ZNF701: variants seen among roughly 807,000 people sequenced by gnomAD.
ZNF701 encodes zinc finger protein 701.
Under a neutral mutation model 7.1 loss-of-function variants are expected in ZNF701, and 6 were observed. The ratio of observed to expected loss-of-function variants is 0.84; its 90% CI spans 0.46 to 1.66. The LOEUF (loss-of-function observed/expected upper bound fraction) is 1.66. ZNF701 is among the 40% of genes most tolerant of loss of function. ZNF701 has a pLI of 0.01. For missense variants in ZNF701, 541 were observed against 559.2 expected (o/e 0.97, Z 0.33); for synonymous variants, 166 against 188.2 (o/e 0.88, Z 0.97).
the ZNF701 span, among the ~76,000 whole-genome samples, chr19:52,598,426 G>C: frequency 2.6e-5 from 4 of 152,118 alleles, no homozygotes; most frequent in Non-Finnish European, 5.9e-5. Context: ...GGGGCAGGGT[G>C]GGGGAGAGGG....
chr19:52,590,619 G>T (rs578201286), downstream of ZNF701, among the ~76,000 whole-genome samples: 4 of 152,138 alleles, frequency 2.6e-5, no homozygotes, highest in African/African-American at 9.6e-5. Flanking sequence ...AGGTGATGGG[G>T]TCTCACTGTG....
At chr19:52,592,356 G>A in the ZNF701 span, 2 of 1,002,840 alleles carry the variant, frequency 2.0e-6, no homozygotes, top group African/African-American at 3.3e-5. Context: ...GTTTTCTACA[G>A]TGATGACCCT....
In ZNF701 at chr19:52,586,935, C is replaced by G. The variant is rs1600092829; in HGVS notation, c.*3478C>G. On this transcript the variant is annotated 3_prime_UTR_variant, in exon 4 of 4. Coordinates refer to ENST00000391785, the MANE Select transcript of ZNF701 (RefSeq NM_018260.3). ...TGACCCACCTACATGGCTCCGTGTC[C>G]CCTGCAGGCCTCGCCCCGGAGCTCT... The G allele has an allele frequency of 6.6e-6, 1 of 152,142 alleles. No individual in the cohort carries two copies. The highest frequency in any genetic ancestry group is 6.6e-5 in the Admixed American group (1 of 15,266). 9.4% of individuals were successfully genotyped at this position (152,142 alleles called of 1,614,324 possible).
chr19:52,597,584 G>A, the ZNF701 span: 1 of 362,560 alleles, frequency 2.8e-6, no homozygotes, highest in Non-Finnish European at 5.4e-6. Context: ...GCTCATGCCT[G>A]TAATCCCAGC....
At chr19:52,576,184 C>G (rs928048976) in intron 3 of ZNF701, among the ~76,000 whole-genome samples, 163 bp downstream of exon 3, 7 of 152,158 alleles carry the variant, frequency 4.6e-5, no homozygotes, top group Non-Finnish European at 8.8e-5. Flanking sequence ...TCACTGTCCC[C>G]TTTAGATGTT....
At chr19:52,597,627 C>T in the ZNF701 span, 94 of 353,714 alleles carry the variant, frequency 2.7e-4, no homozygotes, top group East Asian at 6.6e-4. Context: ...AGATCACAGC[C>T]ACACCTGGCT....
intron 3 of ZNF701, among the ~76,000 whole-genome samples, chr19:52,579,520 CAAA>C (rs34682718): frequency 0.05 from 2,998 of 60,110 alleles, 48 homozygotes; most frequent in Non-Finnish European, 0.057. Flanking sequence ...AACTCTGTCT[CAAA>C]AAAAAAAAAA....
rs1478245256 is a variant in ZNF701 at position 52,575,820 on chromosome 19, C to T, written c.16-75C>T. On this transcript the variant is annotated intron_variant, in intron 2 of 3. Coordinates refer to ENST00000391785, the MANE Select transcript of ZNF701 (RefSeq NM_018260.3). ...TCTGCAATTAAATCCATGCTTTCCC[C>T]TCTCCTCTTCTCATTTTCTGTAAAG... The T allele has an allele frequency of 8.0e-6, 8 of 1,000,306 alleles. No individual in the cohort carries two copies. In the Admixed American group the frequency reaches 1.9e-4, roughly 23 times the overall value. The allele number at this position is 1,000,306 out of a possible 1,614,324, so 62.0% of individuals were successfully genotyped here.
At chr19:52,588,602 G>T, downstream of ZNF701, 1 of 399,672 alleles carries the variant, frequency 2.5e-6, no homozygotes. Flanking sequence ...GCCAGGGACG[G>T]CTCTTCCTCA....
At chr19:52,582,073 T>G in intron 3 of ZNF701, 129 bp from the exon 4 acceptor site, 1 of 752,846 alleles carries the variant, frequency 1.3e-6, no homozygotes, top group Non-Finnish European at 2.0e-6. Flanking sequence ...TCCTTTTGTG[T>G]TCCTAAACTT....
At chr19:52,594,046 G>C in the ZNF701 span, 1,201 of 128,290 alleles carry the variant, frequency 9.4e-3, 354 homozygotes, top group African/African-American at 0.035. Context: ...CTGAGTGAAC[G>C]AGACTCCGTC....
At chr19:52,573,374 G>C (rs1013211089) in intron 1 of ZNF701, among the ~76,000 whole-genome samples, 1 of 152,088 alleles carries the variant, frequency 6.6e-6, no homozygotes, top group Non-Finnish European at 1.5e-5. Flanking sequence ...CGAGTAGCTG[G>C]GCTTACCAAT....
In ZNF701 at chr19:52,585,643, G is replaced by GT. The variant is rs2060006111; in HGVS notation, c.*2187dup. The GT allele has an allele frequency of 6.6e-6, 1 of 152,004 alleles. No homozygotes were observed. The highest frequency in any genetic ancestry group is 2.4e-5 in the African/African-American group (1 of 41,412). The allele number at this position is 152,004 out of a possible 1,614,324, so 9.4% of individuals were successfully genotyped here. A position where few individuals can be genotyped will look rare whatever the true frequency, so the allele number is the denominator to read the frequency against. On this transcript the variant is annotated 3_prime_UTR_variant, in exon 4 of 4. Coordinates refer to ENST00000391785, the MANE Select transcript of ZNF701 (RefSeq NM_018260.3). ...CAAGAAAGCACCCCACAGGGTGGGGGTGGGCCCAAGCGAGCGTCTCCAGGG... is the reference window on the plus strand; with the variant it reads ...CAAGAAAGCACCCCACAGGGTGGGGGTTGGGCCCAAGCGAGCGTCTCCAGGG...
Position 52,573,219 on chromosome 19 carries a change from CA to C in ZNF701, c.-71-857del, listed in dbSNP as rs918700225. 8 of 155,256 alleles carry C rather than the reference CA, an allele frequency of 5.2e-5. No individual in the cohort carries two copies. The Admixed American group carries it at 5.2e-4, about 10-fold the overall frequency. The allele number at this position is 155,256 out of a possible 1,614,324, so 9.6% of individuals were successfully genotyped here. A position where few individuals can be genotyped will look rare whatever the true frequency, so the allele number is the denominator to read the frequency against. On this transcript the variant is annotated intron_variant, in intron 1 of 3. Coordinates refer to ENST00000391785, the MANE Select transcript of ZNF701 (RefSeq NM_018260.3). Reference sequence around the variant, plus strand: ...AGTAGCTGAGATTACAGGTGTGTGCCACCATACTCTGCTAATTTTTGTATTT... The same window carrying C: ...AGTAGCTGAGATTACAGGTGTGTGCCCCATACTCTGCTAATTTTTGTATTT...
At chr19:52,590,276 T>C (rs2060032025), downstream of ZNF701, among the ~76,000 whole-genome samples, 1 of 149,884 alleles carries the variant, frequency 6.7e-6, no homozygotes, top group Admixed American at 6.7e-5. Flanking sequence ...AATCTTTGTA[T>C]TTTCAGTAGA....
intron 3 of ZNF701, among the ~76,000 whole-genome samples, chr19:52,577,732 C>T (rs1012550389): frequency 6.6e-6 from 1 of 151,968 alleles, no homozygotes; most frequent in Non-Finnish European, 1.5e-5. Flanking sequence ...GTCTCCTTTC[C>T]TTGGAGGAGT....
chr19:52,591,755 C>T (rs990636060), downstream of ZNF701, among the ~76,000 whole-genome samples: 1 of 152,144 alleles, frequency 6.6e-6, no homozygotes, highest in Admixed American at 6.6e-5. Flanking sequence ...GGGGTTTCAC[C>T]ATGTTACCCT....
the ZNF701 span, among the ~76,000 whole-genome samples, chr19:52,592,451 C>A: frequency 2.6e-5 from 4 of 152,202 alleles, no homozygotes; most frequent in African/African-American, 9.6e-5. Context: ...AACACTTTGA[C>A]TAATAAGATT....
chr19:52,583,757 C>A lies in ZNF701; in HGVS notation c.*300C>A, dbSNP rs2059992170. ...TTGGTGGTCAGTCAACACTTACTCA[C>A]CATCAAGCAATCCATGGTATAGGGA... On this transcript the variant is annotated 3_prime_UTR_variant, in exon 4 of 4. Coordinates refer to ENST00000391785, the MANE Select transcript of ZNF701 (RefSeq NM_018260.3). 2 of 680,140 alleles carry A rather than the reference C, an allele frequency of 2.9e-6. No homozygotes were observed. Among genetic ancestry groups the A allele is most frequent in the East Asian group, 5.2e-5 (2 of 38,412 alleles). 42.1% of individuals were successfully genotyped at this position (680,140 alleles called of 1,614,324 possible).
Sources: allele counts gnomAD v4.1 joint callset (sites outside exome capture counted in the v4.1 genomes callset), GRCh38; gene constraint gnomAD v4.1.1; transcripts MANE v1.5; gene names NCBI Gene and HGNC (gene_info 2026-07-23, HGNC 2026-07-21).